KIF15: variants seen among roughly 807,000 people sequenced by gnomAD.
KIF15 encodes the protein kinesin family member 15.
A neutral mutation model predicts 190.6 loss-of-function variants in KIF15; 140 were observed. The ratio of observed to expected loss-of-function variants is 0.73; its 90% CI spans 0.64 to 0.84. The LOEUF (loss-of-function observed/expected upper bound fraction) is 0.84, where lower values mean the gene tolerates loss of function less well. Among genes scored for constraint, KIF15 ranks in the 40% least tolerant of loss-of-function variants. KIF15 has a pLI of 0.00. For missense variants in KIF15, 1,372 were observed against 1,584.4 expected (o/e 0.87, Z 2.28); for synonymous variants, 528 against 551.3 (o/e 0.96, Z 0.59).
rs1174829320 is a variant in KIF15, at chr3:44,805,050, G to T, written c.1711G>T (p.Ala571Ser). The T allele has an allele frequency of 3.1e-6, 5 of 1,611,898 alleles. No individual in the cohort carries two copies. Among genetic ancestry groups the T allele is most frequent in the East Asian group, 2.2e-5 (1 of 44,842 alleles). ...AGATCAGCAAGGATTTTCACCTAAA[G>T]CTCAGAAAGAGCCATGTTTGTTTGC... ...DKNQQGFSPKAQKEPCLFANT... is the reference protein window; with the variant it reads ...DKNQQGFSPKSQKEPCLFANT... The change falls in exon 15 of 35, where the codon GCT becomes TCT. Residue 571 changes from alanine (A) to serine (S), a missense_variant. Physicochemically the swap from Ala to Ser is moderately conservative, Grantham distance 99 (BLOSUM62 1). Transcript: ENST00000326047.
At chr3:44,779,298 A>G (rs779312195) in intron 4 of KIF15, among the ~76,000 whole-genome samples, 6 of 152,242 alleles carry the variant, frequency 3.9e-5, no homozygotes, top group South Asian at 2.1e-4. Flanking sequence ...CATTTCACCA[A>G]TGAACCCTAA....
intron 7 of KIF15, 60 bp downstream of exon 7, chr3:44,786,634 C>A: frequency 7.2e-7 from 1 of 1,386,406 alleles, no homozygotes; most frequent in Non-Finnish European, 9.7e-7. Context: ...GAATGCACCC[C>A]AAACTCCAAA....
At chr3:44,804,932 T>C (rs963810967) in intron 14 of KIF15, 95 bp from the exon 15 acceptor site, 3 of 1,302,276 alleles carry the variant, frequency 2.3e-6, no homozygotes, top group Admixed American at 5.0e-5. Context: ...ATGATCATGC[T>C]TGTGAATAGC....
chr3:44,829,649 A>G (rs1697937618), intron 24 of KIF15, among the ~76,000 whole-genome samples: 2 of 132,738 alleles, frequency 1.5e-5, no homozygotes, highest in African/African-American at 5.7e-5. Context: ...TATATTATAT[A>G]TGTATATATT....
chr3:44,774,514 T>A, intron 2 of KIF15, 77 bp downstream of exon 2: 1 of 1,255,990 alleles, frequency 8.0e-7, no homozygotes, highest in Non-Finnish European at 1.1e-6. Flanking sequence ...TTTAGCATAG[T>A]AAAGAGTACT....
At chr3:44,799,333 C>A (rs1238602699) in intron 10 of KIF15, 3 of 456,664 alleles carry the variant, frequency 6.6e-6, no homozygotes. Flanking sequence ...GCCAGAGTAT[C>A]TGGGACTTGT....
At chr3:44,788,092 A>G (rs552695428) in intron 7 of KIF15, among the ~76,000 whole-genome samples, 5 of 152,294 alleles carry the variant, frequency 3.3e-5, no homozygotes, top group South Asian at 4.1e-4. Context: ...AGCTCAGGCA[A>G]TCCACCTGCC....
intron 20 of KIF15, among the ~76,000 whole-genome samples, chr3:44,818,864 G>A (rs1425668695): frequency 2.0e-5 from 3 of 152,234 alleles, no homozygotes; most frequent in Admixed American, 6.5e-5. Context: ...CTGTGAATCC[G>A]TCTGGTCCTA....
chr3:44,803,798 C>A (rs1056465897), intron 14 of KIF15, among the ~76,000 whole-genome samples: 1 of 152,146 alleles, frequency 6.6e-6, no homozygotes, highest in Non-Finnish European at 1.5e-5. Flanking sequence ...ATAAGAGTCA[C>A]AGTAACTGGG....
intron 26 of KIF15, among the ~76,000 whole-genome samples, chr3:44,833,615 G>C (rs7626656): frequency 7.0e-6 from 1 of 142,074 alleles, no homozygotes; most frequent in African/African-American, 2.5e-5. Flanking sequence ...TAATGCGAGC[G>C]ATGGGGAATG....
At chr3:44,819,763 G>A (rs7432500) in intron 20 of KIF15, among the ~76,000 whole-genome samples, 66,353 of 151,920 alleles carry the variant, frequency 0.44, 15,856 homozygotes, top group East Asian at 0.82. Flanking sequence ...TATTAGGTCC[G>A]CTTGGTCCAG....
At chr3:44,849,412 T>C (rs1482765202) in intron 32 of KIF15, among the ~76,000 whole-genome samples, 2 of 152,100 alleles carry the variant, frequency 1.3e-5, no homozygotes, top group Non-Finnish European at 2.9e-5. Flanking sequence ...TGCTTGAGTT[T>C]AGGAGTTTGA....
At chr3:44,822,666 C>G (rs924524076) in intron 20 of KIF15, among the ~76,000 whole-genome samples, 7 of 152,162 alleles carry the variant, frequency 4.6e-5, no homozygotes, top group Non-Finnish European at 8.8e-5. Context: ...TTGGTCTTTT[C>G]ACATAGTCCC....
At chr3:44,864,089 C>A in intron 6 of KIF15, 2 of 1,406,604 alleles carry the variant, frequency 1.4e-6, no homozygotes, top group Non-Finnish European at 2.0e-6. Context: ...GTAGTGGGAG[C>A]TCAGTAGGAG....
chr3:44,865,105 T>C (rs370620634), intron 6 of KIF15: 81 of 1,613,978 alleles, frequency 5.0e-5, no homozygotes, highest in Non-Finnish European at 6.4e-5. Flanking sequence ...GAGTGTTCCT[T>C]ATTCTCTGCG....
At chr3:44,778,252 T>C in intron 4 of KIF15, 61 bp downstream of exon 4, 1 of 1,281,150 alleles carries the variant, frequency 7.8e-7, no homozygotes, top group African/African-American at 1.5e-5. Flanking sequence ...CTGTTGCTGT[T>C]GTAACAAATT....
chr3:44,857,773 A>G (rs541782178), downstream of KIF15, among the ~76,000 whole-genome samples: 2 of 152,350 alleles, frequency 1.3e-5, no homozygotes, highest in South Asian at 2.1e-4. Context: ...TCAGTCAGAC[A>G]TGATCGGCAG....
rs772156523 is a variant in KIF15, at chr3:44,841,084, C to T, written c.3431C>T (p.Thr1144Ile). 2 of 1,611,812 alleles carry T rather than the reference C, an allele frequency of 1.2e-6. No individual in the cohort carries two copies. Among genetic ancestry groups the T allele is most frequent in the South Asian group, 1.1e-5 (1 of 90,808 alleles). ...GTGATTTTATTTTAGAGTCCTAAGA[C>T]ACCACCTCACTTTCAAACACATTTG... is the stretch of plus-strand genomic sequence containing the variant. ...SAAEDPQSPK[T>I]PPHFQTHLAK... The change falls in exon 29 of 35, where the codon ACA becomes ATA. Residue 1144 changes from threonine (T) to isoleucine (I), a missense_variant. Physicochemically the swap from Thr to Ile is moderately conservative, Grantham distance 89. Transcript: ENST00000326047.
At chr3:44,810,465 C>T (rs910025065) in intron 16 of KIF15, among the ~76,000 whole-genome samples, 3 of 151,770 alleles carry the variant, frequency 2.0e-5, no homozygotes, top group African/African-American at 7.3e-5. Flanking sequence ...CACTATGTTG[C>T]CCAGCCTGGT....
Sources: allele counts gnomAD v4.1 joint callset (sites outside exome capture counted in the v4.1 genomes callset), GRCh38; gene constraint gnomAD v4.1.1; transcripts MANE v1.5; gene names NCBI Gene and HGNC (gene_info 2026-07-23, HGNC 2026-07-21).